Variants in EEFSEC observed in about 807,000 individuals in gnomAD.
EEFSEC encodes the protein selenocysteine-specific elongation factor.
In EEFSEC, 43 loss-of-function variants were observed where a neutral mutation model predicts 42.1. The ratio of observed to expected loss-of-function variants is 1.02; its 90% CI spans 0.80 to 1.32. The LOEUF is 1.32. EEFSEC is among the 40% of genes most tolerant of loss of function. The pLI is 0.00. For missense variants in EEFSEC, 745 were observed against 803.6 expected (o/e 0.93, Z 0.88); for synonymous variants, 354 against 339.1 (o/e 1.04, Z -0.48).
intron 1 of EEFSEC, among the ~76,000 whole-genome samples, chr3:128,218,626 G>A (rs147859722): frequency 5.9e-4 from 90 of 152,270 alleles, no homozygotes; most frequent in African/African-American, 2.0e-3. Context: ...CGGACTGGCC[G>A]TTGGTTTGCT....
chr3:128,319,804 G>T (rs1230820929), intron 4 of EEFSEC, among the ~76,000 whole-genome samples: 1 of 152,222 alleles, frequency 6.6e-6, no homozygotes, highest in Non-Finnish European at 1.5e-5. Context: ...TGCAGGGATG[G>T]TGTCTCATTC....
chr3:128,380,894 C>A (rs372806038), intron 6 of EEFSEC, among the ~76,000 whole-genome samples: 1 of 152,216 alleles, frequency 6.6e-6, no homozygotes, highest in Non-Finnish European at 1.5e-5. Context: ...GCCTCTCCCC[C>A]ACCAGCACTG....
Position 128,342,886 on chromosome 3 carries a change from A to G in EEFSEC, c.1443+997A>G, listed in dbSNP as rs958938526. 5.9e-5 allele frequency among the ~76,000 whole-genome samples: 9 copies of G among 152,212 alleles called. No individual in the cohort carries two copies. In the South Asian group the frequency reaches 1.7e-3, roughly 28 times the overall value. On this transcript the variant is annotated intron_variant, in intron 5 of 6. Coordinates refer to ENST00000254730, the MANE Select transcript of EEFSEC (RefSeq NM_021937.5). ...CAGTGCTGAGTGGGAATCCATGCCC[A>G]TCGGGCCTTGAAGGCAGGATGGATG...
intron 1 of EEFSEC, among the ~76,000 whole-genome samples, chr3:128,177,009 A>ATTT (rs1202464974): frequency 6.7e-6 from 1 of 150,256 alleles, no homozygotes; most frequent in African/African-American, 2.4e-5. Context: ...TATTATTATT[A>ATTT]TTTTTGAGAC....
chr3:128,418,661 C>G, the EEFSEC span, among the ~76,000 whole-genome samples: 2 of 151,952 alleles, frequency 1.3e-5, no homozygotes, highest in Non-Finnish European at 2.9e-5. Flanking sequence ...CAGCACCCCC[C>G]AACTTTGCCC....
chr3:128,167,934 T>C (rs1056722310), intron 1 of EEFSEC, among the ~76,000 whole-genome samples: 3 of 152,350 alleles, frequency 2.0e-5, no homozygotes, highest in African/African-American at 7.2e-5. Flanking sequence ...AGTTGTACTT[T>C]GGTAATTCTT....
intron 4 of EEFSEC, among the ~76,000 whole-genome samples, chr3:128,293,244 T>C (rs909655325): frequency 7.2e-5 from 11 of 152,170 alleles, no homozygotes; most frequent in African/African-American, 2.7e-4. Context: ...TCTGAAAATG[T>C]GTATAGGCAG....
chr3:128,387,721 C>G (rs977688860), intron 6 of EEFSEC, among the ~76,000 whole-genome samples: 4 of 152,158 alleles, frequency 2.6e-5, no homozygotes, highest in Non-Finnish European at 4.4e-5. Flanking sequence ...CAAGACCCCT[C>G]CCTACAGGCT....
chr3:128,175,065 CTCTT>C (rs1314656947), intron 1 of EEFSEC, among the ~76,000 whole-genome samples: 2 of 152,054 alleles, frequency 1.3e-5, no homozygotes, highest in African/African-American at 4.8e-5. Context: ...TCGGCATTCT[CTCTT>C]TTTCTCTCCT....
chr3:128,356,363 A>G (rs1440897527), intron 5 of EEFSEC, among the ~76,000 whole-genome samples: 1 of 152,130 alleles, frequency 6.6e-6, no homozygotes, highest in East Asian at 1.9e-4. Context: ...ATGTAACCCC[A>G]GGGCCTAGCT....
intron 1 of EEFSEC, among the ~76,000 whole-genome samples, chr3:128,227,043 G>C (rs1559876811): frequency 6.6e-6 from 1 of 152,218 alleles, no homozygotes; most frequent in Non-Finnish European, 1.5e-5. Context: ...CCCTCTGGTT[G>C]CTTGCTTGGG....
chr3:128,161,960 G>T (rs377185355), intron 1 of EEFSEC, among the ~76,000 whole-genome samples: 1 of 152,302 alleles, frequency 6.6e-6, no homozygotes, highest in East Asian at 1.9e-4. Context: ...AGGAATTTGG[G>T]TGTTACTCTA....
intron 1 of EEFSEC, among the ~76,000 whole-genome samples, chr3:128,197,025 G>A (rs770576259): frequency 6.6e-6 from 1 of 152,148 alleles, no homozygotes; most frequent in Non-Finnish European, 1.5e-5. Flanking sequence ...TCTTATTGCT[G>A]TGATTTCTTC....
intron 4 of EEFSEC, among the ~76,000 whole-genome samples, chr3:128,309,974 C>T (rs913662830): frequency 2.0e-5 from 3 of 152,198 alleles, no homozygotes; most frequent in African/African-American, 7.2e-5. Flanking sequence ...AAAATAGACA[C>T]ACTTGGAGAA....
At chr3:128,336,070 C>CA (rs1478338408) in intron 4 of EEFSEC, among the ~76,000 whole-genome samples, 2 of 152,150 alleles carry the variant, frequency 1.3e-5, no homozygotes, top group African/African-American at 2.4e-5. Flanking sequence ...CCCTGGAACT[C>CA]AGACGTCTGT....
chr3:128,182,580 G>A (rs1041431892), intron 1 of EEFSEC, among the ~76,000 whole-genome samples: 5 of 152,112 alleles, frequency 3.3e-5, no homozygotes, highest in Non-Finnish European at 5.9e-5. Context: ...CTCATTCTTT[G>A]TATTGACAAC....
chr3:128,321,044 C>T (rs1053797498), intron 4 of EEFSEC, among the ~76,000 whole-genome samples: 13 of 152,092 alleles, frequency 8.5e-5, no homozygotes, highest in African/African-American at 3.1e-4. Context: ...GTGGAGGTGG[C>T]GACAAAGGCA....
intron 2 of EEFSEC, among the ~76,000 whole-genome samples, chr3:128,256,868 T>C (rs2066246878): frequency 6.6e-6 from 1 of 152,114 alleles, no homozygotes. Context: ...TTCAGCCTCT[T>C]AAGAAGCTGG....
chr3:128,186,502 C>G lies in EEFSEC; in HGVS notation c.316+32679C>G, dbSNP rs561976664. On this transcript the variant is annotated intron_variant, in intron 1 of 6. Coordinates refer to ENST00000254730, the MANE Select transcript of EEFSEC (RefSeq NM_021937.5). ...ATATCTAAGAAATAAGTGCTTAATC[C>G]AAGGTTACATAGATGCATACCTATG... Among the ~76,000 whole-genome samples the G allele has an allele frequency of 7.2e-5, 11 of 152,240 alleles. No homozygotes were observed. The South Asian group carries it at 1.7e-3, about 23-fold the overall frequency.
Sources: gnomAD v4.1 joint callset for allele counts (sites outside exome capture counted in the v4.1 genomes callset) on GRCh38, gnomAD v4.1.1 for gene constraint, MANE v1.5 for transcripts, NCBI Gene and HGNC (gene_info 2026-07-23, HGNC 2026-07-21) for gene names.